The following CTNNA3 variants were observed in gnomAD, a reference collection of about 807,000 sequenced individuals.
CTNNA3 encodes the protein catenin alpha 3, also known as catenin alpha-3.
CTNNA3 carries 76 observed loss-of-function variants against 95.7 expected under a neutral mutation model. The ratio of observed to expected loss-of-function variants is 0.79; its 90% CI spans 0.66 to 0.96. CTNNA3 has a LOEUF of 0.96. Among genes scored for constraint, CTNNA3 ranks in the 40% least tolerant of loss-of-function variants. CTNNA3 has a pLI of 0.00. For synonymous variants in CTNNA3, 431 were observed against 374.4 expected, an observed-to-expected ratio of 1.15 and a Z score of -1.74; for missense variants, 1,191 against 1,089.8, an observed-to-expected ratio of 1.09 and a Z score of -1.31.
At chr10:67,371,675 G>A (rs983907189) in intron 5 of CTNNA3, among the ~76,000 whole-genome samples, 2 of 152,086 alleles carry the variant, frequency 1.3e-5, no homozygotes, top group East Asian at 1.9e-4. Flanking sequence ...TGTGAATAGT[G>A]CTGCAATAAA....
chr10:67,611,212 T>G (rs1181252049), intron 2 of CTNNA3, among the ~76,000 whole-genome samples: 5 of 152,172 alleles, frequency 3.3e-5, no homozygotes, highest in Non-Finnish European at 7.3e-5. Flanking sequence ...CTAAATGCTC[T>G]AAAGATGCTG....
chr10:67,760,162 C>T (rs1841454936), intron 1 of CTNNA3, among the ~76,000 whole-genome samples: 1 of 152,096 alleles, frequency 6.6e-6, no homozygotes, highest in South Asian at 2.1e-4. Context: ...GGGTGGTGCC[C>T]CTTAAGTACA....
chr10:66,092,724 G>T (rs1462834), intron 14 of CTNNA3, among the ~76,000 whole-genome samples: 35,736 of 151,372 alleles, frequency 0.24, 4,331 homozygotes, highest in South Asian at 0.36. Context: ...GGTGGAAAAC[G>T]GGCATTTTTG....
intron 15 of CTNNA3, among the ~76,000 whole-genome samples, chr10:66,044,388 T>G (rs1389262752): frequency 6.6e-6 from 1 of 152,166 alleles, no homozygotes. Context: ...TTATATTTAT[T>G]TAAAACAACA....
Position 67,741,956 on chromosome 10 carries a change from C to G in CTNNA3, c.-2+21478G>C, listed in dbSNP as rs373582188. ...GGATCAATTCAACAAGAAGAACTAACTATCCCAAATATTGGGTGCACCCAA... is the reference window on the plus strand; with the variant it reads ...GGATCAATTCAACAAGAAGAACTAAGTATCCCAAATATTGGGTGCACCCAA... On this transcript the variant is annotated intron_variant, in intron 1 of 17. Coordinates refer to the CTNNA3 transcript ENST00000684154. Among the ~76,000 whole-genome samples, 169 of 151,500 alleles carry G rather than the reference C, an allele frequency of 1.1e-3. 4 individuals are homozygous for G. Among genetic ancestry groups the G allele is most frequent in the South Asian group, 4.7e-3 (22 of 4,712 alleles).
At chr10:66,034,700 A>T (rs978611653) in intron 15 of CTNNA3, among the ~76,000 whole-genome samples, 1 of 152,176 alleles carries the variant, frequency 6.6e-6, no homozygotes, top group African/African-American at 2.4e-5. Context: ...AGCCACTTAC[A>T]TTCAATTTCC....
At chr10:67,246,546 T>A (rs988905420) in intron 5 of CTNNA3, among the ~76,000 whole-genome samples, 1 of 152,120 alleles carries the variant, frequency 6.6e-6, no homozygotes, top group African/African-American at 2.4e-5. Context: ...CAAGTTGACT[T>A]TATGACTAAA....
chr10:66,434,251 A>T (rs2093320607), intron 11 of CTNNA3, among the ~76,000 whole-genome samples: 4 of 151,982 alleles, frequency 2.6e-5, no homozygotes, highest in African/African-American at 7.2e-5. Context: ...GCCATTTTCA[A>T]GATATTGATT....
chr10:67,017,755 G>A (rs758723417), intron 7 of CTNNA3, among the ~76,000 whole-genome samples: 11 of 150,644 alleles, frequency 7.3e-5, no homozygotes, highest in South Asian at 6.3e-4. Flanking sequence ...GTGTGTGTGC[G>A]CGCGTACAAT....
chr10:66,022,652 G>A (rs1359281331), intron 15 of CTNNA3, among the ~76,000 whole-genome samples: 1 of 150,978 alleles, frequency 6.6e-6, no homozygotes, highest in African/African-American at 2.4e-5. Context: ...CACACCAAAA[G>A]CAACCAAGCT....
Position 67,322,359 on chromosome 10 carries a change from G to A in CTNNA3, c.580-102489C>T, listed in dbSNP as rs189203716. Among the ~76,000 whole-genome samples the A allele has an allele frequency of 4.9e-3, 746 of 151,962 alleles. 4 individuals are homozygous for A. The highest frequency in any genetic ancestry group is 6.0e-3 in the Non-Finnish European group (408 of 67,930). On this transcript the variant is annotated intron_variant, in intron 5 of 17. Coordinates refer to ENST00000433211, the MANE Select transcript of CTNNA3 (RefSeq NM_013266.4). ...TTCAGTACCCAGTGGTTATTTTTCCGGATCCTCTCCCTCCTCTCACCACCC... is the reference window on the plus strand; with the variant it reads ...TTCAGTACCCAGTGGTTATTTTTCCAGATCCTCTCCCTCCTCTCACCACCC...
At chr10:66,970,506 G>T (rs1328402837) in intron 7 of CTNNA3, among the ~76,000 whole-genome samples, 1 of 143,394 alleles carries the variant, frequency 7.0e-6, no homozygotes, top group African/African-American at 2.5e-5. Flanking sequence ...CTTGGGTGGG[G>T]GGGGGATACA....
chr10:67,683,766 G>T (rs1205930760), intron 1 of CTNNA3, among the ~76,000 whole-genome samples: 4 of 151,900 alleles, frequency 2.6e-5, no homozygotes, highest in African/African-American at 9.7e-5. Flanking sequence ...TCCTTTAGAT[G>T]TGTCCAGAGT....
intron 13 of CTNNA3, among the ~76,000 whole-genome samples, chr10:66,199,778 TATATATATATATATATATATATATATA>T (rs2087215468): frequency 1.2e-3 from 11 of 8,878 alleles, no homozygotes; most frequent in South Asian, 0.014. Flanking sequence ...TATATATATA[TATATATATATATATATATATATATATA>T]TTTTTTTTTT....
chr10:66,164,525 T>A (rs72795348), intron 13 of CTNNA3, among the ~76,000 whole-genome samples: 7,190 of 152,174 alleles, frequency 0.047, 212 homozygotes, highest in African/African-American at 0.066. Flanking sequence ...ACTGTTTTTT[T>A]TTTTTTTAGA....
chr10:66,953,135 T>C (rs911478952), intron 7 of CTNNA3, among the ~76,000 whole-genome samples: 1 of 152,178 alleles, frequency 6.6e-6, no homozygotes, highest in Non-Finnish European at 1.5e-5. Context: ...GTTATCTTAA[T>C]CATAAACCTG....
intron 5 of CTNNA3, among the ~76,000 whole-genome samples, chr10:67,384,881 T>C (rs12251833): frequency 0.067 from 10,265 of 152,264 alleles, 483 homozygotes; most frequent in African/African-American, 0.13. Flanking sequence ...TATTCCCCTT[T>C]GCCTATTTGA....
chr10:66,296,060 C>T (rs56358271), intron 12 of CTNNA3, among the ~76,000 whole-genome samples: 2,561 of 151,496 alleles, frequency 0.017, 33 homozygotes, highest in Non-Finnish European at 0.027. Context: ...AAATCAAAAC[C>T]AAGACTGATT....
chr10:67,509,893 G>A (rs572988244), intron 5 of CTNNA3, among the ~76,000 whole-genome samples: 2 of 152,268 alleles, frequency 1.3e-5, no homozygotes, highest in Admixed American at 1.3e-4. Context: ...TCTAACTGGC[G>A]TGAGATGGTA....
Sources: allele counts gnomAD v4.1 joint callset (sites outside exome capture counted in the v4.1 genomes callset), GRCh38; gene constraint gnomAD v4.1.1; transcripts MANE v1.5; gene names NCBI Gene and HGNC (gene_info 2026-07-23, HGNC 2026-07-21).